Variants in PI4KA observed in about 807,000 individuals in gnomAD.
PI4KA encodes PI4-kinase alpha.
A neutral mutation model predicts 271.4 loss-of-function variants in PI4KA; 122 were observed. The observed-to-expected ratio is 0.45, with a 90% CI of 0.39 to 0.52. PI4KA has a LOEUF of 0.52. Ranked by LOEUF, PI4KA falls within the 20% of genes least tolerant of loss-of-function variation. PI4KA has a pLI of 0.00. For missense variants in PI4KA, 1,969 were observed against 2,769.1 expected (o/e 0.71, Z 6.48); for synonymous variants, 1,041 against 1,078.8 (o/e 0.96, Z 0.69).
intron 45 of PI4KA, among the ~76,000 whole-genome samples, chr22:20,715,560 C>T (rs1925879456): frequency 2.0e-5 from 3 of 151,830 alleles, no homozygotes; most frequent in East Asian, 2.0e-4. Context: ...CTGCAACCTA[C>T]GCCTCCCGGG....
chr22:20,799,270 A>G lies in PI4KA; in HGVS notation c.1827T>C (p.Ala609=), dbSNP rs1454703470. 6.6e-7 allele frequency: 1 copy of G among 1,522,832 alleles called. No individual in the cohort carries two copies. The highest frequency in any genetic ancestry group is 8.8e-7 in the Non-Finnish European group (1 of 1,138,142). The allele number at this position is 1,522,832 out of a possible 1,614,324, so 94.3% of individuals were successfully genotyped here. ...GGATTGTGTGGTCGGGAATCAAGTG[A>G]GCGTCCCTACAGAAGGAAGAACAGA... ...LYISQESDKD[A]HLIPDHTIRA... is the part of the protein sequence containing the mutation. The change falls in exon 16 of 55, where the codon GCT becomes GCC. Residue 609 remains alanine (A), a synonymous_variant. Coordinates refer to ENST00000255882, the MANE Select transcript of PI4KA (RefSeq NM_058004.4).
At chr22:20,716,327 C>T (rs1926003081) in intron 45 of PI4KA, among the ~76,000 whole-genome samples, 1 of 151,890 alleles carries the variant, frequency 6.6e-6, no homozygotes, top group Non-Finnish European at 1.5e-5. Context: ...GCTGGGATTA[C>T]AGGCATGAGC....
chr22:20,728,304 T>A (rs1357664532), intron 39 of PI4KA, among the ~76,000 whole-genome samples: 1 of 152,214 alleles, frequency 6.6e-6, no homozygotes. Context: ...GGCTAAATGT[T>A]CTATTATGCC....
At chr22:20,780,158 C>A (rs1257209476) in intron 19 of PI4KA, 4 of 1,614,078 alleles carry the variant, frequency 2.5e-6, no homozygotes, top group African/African-American at 2.7e-5. Flanking sequence ...AGAATATAGA[C>A]CCTGCTACCC....
chr22:20,819,538 CGTT>C (rs1922323340), intron 6 of PI4KA, 100 bp downstream of exon 6: 1 of 1,074,022 alleles, frequency 9.3e-7, no homozygotes. Context: ...AAACATTTCA[CGTT>C]ACTTAAGTTT....
chr22:20,752,660 G>A (rs1930832155), intron 25 of PI4KA, among the ~76,000 whole-genome samples: 1 of 152,148 alleles, frequency 6.6e-6, no homozygotes, highest in Admixed American at 6.5e-5. Flanking sequence ...ACAGGGATGT[G>A]GCACCCAGCA....
chr22:20,805,790 C>T (rs931134483), intron 10 of PI4KA, among the ~76,000 whole-genome samples: 2 of 149,582 alleles, frequency 1.3e-5, no homozygotes, highest in African/African-American at 5.0e-5. Flanking sequence ...CAAGATCGTG[C>T]CACTGCATTC....
At chr22:20,815,908 G>C (rs1204266125) in intron 7 of PI4KA, among the ~76,000 whole-genome samples, 4 of 151,980 alleles carry the variant, frequency 2.6e-5, no homozygotes, top group Admixed American at 2.0e-4. Flanking sequence ...CCTAACATTT[G>C]GGATTTACGC....
chr22:20,757,403 G>A (rs546616190), intron 23 of PI4KA, among the ~76,000 whole-genome samples: 3 of 152,084 alleles, frequency 2.0e-5, no homozygotes, highest in South Asian at 2.1e-4. Context: ...TCAGTCCCCC[G>A]GAACAATTTA....
intron 3 of PI4KA, among the ~76,000 whole-genome samples, chr22:20,832,887 C>T (rs904074348): frequency 7.2e-5 from 11 of 152,170 alleles, no homozygotes; most frequent in African/African-American, 2.7e-4. Flanking sequence ...ATTCTGAATT[C>T]TATTTCTGTC....
chr22:20,716,849 T>C (rs986340055), intron 45 of PI4KA, among the ~76,000 whole-genome samples: 2 of 152,152 alleles, frequency 1.3e-5, no homozygotes, highest in African/African-American at 4.8e-5. Flanking sequence ...TGGGAAGAAA[T>C]GGTTAAACCG....
chr22:20,761,432 T>G, intron 22 of PI4KA, 46 bp from the exon 23 acceptor site: 5,010 of 1,009,132 alleles, frequency 5.0e-3, no homozygotes, highest in Non-Finnish European at 7.2e-3. Context: ...ATCTGGGCCC[T>G]CCCTATCACA....
intron 30 of PI4KA, among the ~76,000 whole-genome samples, chr22:20,743,437 C>A (rs1929694837): frequency 6.6e-6 from 1 of 151,952 alleles, no homozygotes; most frequent in Admixed American, 6.6e-5. Flanking sequence ...AGCGGCCACA[C>A]CCAGCCCTCC....
At chr22:20,849,991 G>T (rs950551150) in intron 1 of PI4KA, among the ~76,000 whole-genome samples, 1 of 152,224 alleles carries the variant, frequency 6.6e-6, no homozygotes, top group African/African-American at 2.4e-5. Context: ...TGGTAGGGCT[G>T]CAGGGTAACA....
chr22:20,759,402 C>CTTGTTTTTTTTTTTTT (rs1931712741), intron 23 of PI4KA, among the ~76,000 whole-genome samples: 1 of 102,900 alleles, frequency 9.7e-6, no homozygotes, highest in Non-Finnish European at 1.9e-5. Context: ...CTTTTCTTTT[C>CTTGTTTTTTTTTTTTT]TTTTTTTTTT....
chr22:20,785,333 G>A (rs1162336286), intron 19 of PI4KA, among the ~76,000 whole-genome samples: 1 of 152,222 alleles, frequency 6.6e-6, no homozygotes, highest in Non-Finnish European at 1.5e-5. Flanking sequence ...GCCTTCCAAA[G>A]TGCTGGGATT....
Position 20,803,222 on chromosome 22 carries a change from C to A in PI4KA, c.1560G>T (p.Lys520Asn). The A allele has an allele frequency of 6.2e-7, 1 of 1,614,130 alleles. No homozygotes were observed. The highest frequency in any genetic ancestry group is 8.5e-7 in the Non-Finnish European group (1 of 1,179,982). Residue 520 changes from lysine (K) to asparagine (N), a missense_variant, in exon 13 of 55, where the codon AAG becomes AAT. Lys to Asn is a moderately conservative substitution (Grantham distance 94, BLOSUM62 0). Around this residue, in one of 13 missense-constraint regions of PI4KA, gnomAD observed 228 missense variants for 261.6 expected, o/e 0.87. Transcript: ENST00000255882. ...GGTACTGACTGTGGTACTTGTAGAG[C>A]TTCACCAGAACTGGGGACGGGATGA... is the stretch of plus-strand genomic sequence containing the variant. ...FLVIPSPVLV[K>N]LYKYHSQYHT...
At chr22:20,721,563 T>C (rs905328633) in intron 42 of PI4KA, 145 bp from the exon 43 acceptor site, 12 of 800,846 alleles carry the variant, frequency 1.5e-5, no homozygotes, top group East Asian at 1.3e-4. Flanking sequence ...CTCTCCAGGA[T>C]TGATGTTGAG....
chr22:20,803,217 T>TA lies in PI4KA; in HGVS notation c.1564dup (p.Tyr522LeufsTer14). ...TGTGTGGTACTGACTGTGGTACTTG[T>TA]AGAGCTTCACCAGAACTGGGGACGG... On this transcript the variant is annotated frameshift_variant, in exon 13 of 55. Coordinates refer to ENST00000255882, the MANE Select transcript of PI4KA (RefSeq NM_058004.4). LOFTEE classifies it high-confidence loss of function. The TA allele has an allele frequency of 6.2e-7, 1 of 1,614,104 alleles. No homozygotes were observed. The highest frequency in any genetic ancestry group is 1.3e-5 in the African/African-American group (1 of 75,046).
Sources: gnomAD v4.1 joint callset for allele counts (sites outside exome capture counted in the v4.1 genomes callset) on GRCh38, gnomAD v4.1.1 for gene constraint, gnomAD v4.1.1 regional missense constraint, MANE v1.5 for transcripts, NCBI Gene and HGNC (gene_info 2026-07-23, HGNC 2026-07-21) for gene names.